Variants in MATR3 observed in about 807,000 individuals in gnomAD.
The protein encoded by MATR3 is matrin 3, also known as matrin-3.
In MATR3, 4 loss-of-function variants were observed where a neutral mutation model predicts 85.5. The ratio of observed to expected loss-of-function variants is 0.05; its 90% confidence interval spans 0.02 to 0.11. MATR3 has a LOEUF of 0.11. Among genes scored for constraint, MATR3 ranks in the 10% least tolerant of loss-of-function variants. The pLI is 1.00. For missense variants in MATR3, 685 were observed against 1,016.1 expected (o/e 0.67, Z 4.43); for synonymous variants, 336 against 343.1 (o/e 0.98, Z 0.23).
chr5:139,325,567 G>C lies in MATR3; in HGVS notation c.2276G>C (p.Ser759Thr), dbSNP rs1755813433. Residue 759 changes from serine to threonine, a missense_variant, in exon 13 of 15, where the codon AGT becomes ACT. Physicochemically the swap from Ser to Thr is moderately conservative, Grantham distance 58 (BLOSUM62 1). Transcript: ENST00000394805. ...GCTGATGATCCCAACAAAGATACAA[G>C]TGAAAACGCAGATGGTCAAAGTGAT... The part of the protein sequence containing the change: ...ENADDPNKDT[S>T]ENADGQSDEN... 2 of 1,614,072 alleles carry C rather than the reference G, an allele frequency of 1.2e-6. No individual in the cohort carries two copies. Among genetic ancestry groups the C allele is most frequent in the Non-Finnish European group, 1.7e-6 (2 of 1,180,040 alleles).
chr5:139,298,146 C>G (rs1163327586), intron 1 of MATR3, among the ~76,000 whole-genome samples: 1 of 152,102 alleles, frequency 6.6e-6, no homozygotes, highest in African/African-American at 2.4e-5. Flanking sequence ...TTTTTTCCTC[C>G]TTTGTGAGGA....
At chr5:139,294,083 G>A (rs985123650) in intron 1 of MATR3, 1 of 1,259,326 alleles carries the variant, frequency 7.9e-7, no homozygotes, top group Non-Finnish European at 1.0e-6. Flanking sequence ...GGTGCGGCGG[G>A]AGATTTTGGG....
chr5:139,294,090 TG>T (rs1386046878), intron 1 of MATR3: 1 of 1,259,350 alleles, frequency 7.9e-7, no homozygotes, highest in Non-Finnish European at 1.0e-6. Flanking sequence ...CGGGAGATTT[TG>T]GGTGAAGAGG....
In MATR3 at chr5:139,326,348, A is replaced by G. The variant is rs894208374; in HGVS notation, c.2493+64A>G. 6.6e-6 allele frequency: 10 copies of G among 1,526,042 alleles called. 1 individual carries two copies. In the Admixed American group the frequency reaches 1.5e-4, roughly 23 times the overall value. 94.5% of individuals were successfully genotyped at this position (1,526,042 alleles called of 1,614,324 possible). A position where few individuals can be genotyped will look rare whatever the true frequency, so the allele number is the denominator to read the frequency against. ...AACAAGTTATGGAAATAAGTGGGGT[A>G]TATAAGTAAAATGTGTATAGTGTTC... On this transcript the variant is annotated intron_variant, in intron 14 of 14. Coordinates refer to ENST00000394805, the MANE Select transcript of MATR3 (RefSeq NM_018834.6).
chr5:139,283,139 A>C (rs1326694595), intron 3 of MATR3: 1 of 152,332 alleles, frequency 6.6e-6, no homozygotes, highest in Non-Finnish European at 1.5e-5. Flanking sequence ...GTAAGCTTAT[A>C]GTAGAGGATG....
intron 2 of MATR3, 137 bp downstream of exon 2, chr5:139,308,464 T>G (rs1192029530): frequency 9.7e-7 from 1 of 1,029,588 alleles, no homozygotes; most frequent in Non-Finnish European, 1.5e-6. Flanking sequence ...ACTTACTTTA[T>G]TTGGAAGGTA....
chr5:139,286,647 C>T (rs1448639477), intron 3 of MATR3, among the ~76,000 whole-genome samples: 1 of 151,460 alleles, frequency 6.6e-6, no homozygotes, highest in Non-Finnish European at 1.5e-5. Flanking sequence ...GAGTACAAGA[C>T]CAGCCTAGCC....
In MATR3 at chr5:139,300,194, C is replaced by T. The variant is rs187016567; in HGVS notation, c.-178+6389C>T. Among the ~76,000 whole-genome samples the T allele has an allele frequency of 1.6e-3, 241 of 152,230 alleles. 8 individuals carry two copies. Among genetic ancestry groups the T allele is most frequent in the African/African-American group, 5.6e-3 (232 of 41,548 alleles). On this transcript the variant is annotated intron_variant, in intron 1 of 14. Coordinates refer to ENST00000394805, the MANE Select transcript of MATR3 (RefSeq NM_018834.6). ...TCTGGCCAACATGGTGAAACCTTGT[C>T]TCTACTAAAAAATACAGAAAATTTG... is the stretch of plus-strand genomic sequence containing the variant.
chr5:139,298,037 T>C (rs759330663), intron 1 of MATR3, among the ~76,000 whole-genome samples: 20 of 152,170 alleles, frequency 1.3e-4, no homozygotes, highest in Non-Finnish European at 2.9e-4. Context: ...GCAGCAAGTA[T>C]GGAAAGTAGT....
At position 139,330,337 on chromosome 5, in the gene MATR3, T is replaced by A. The variant is rs1756077648; in HGVS notation, c.*942T>A. 1 of 454,320 alleles carries A rather than the reference T, an allele frequency of 2.2e-6. No individual in the cohort carries two copies. Among genetic ancestry groups the A allele is most frequent in the Non-Finnish European group, 4.4e-6 (1 of 226,768 alleles). 28.1% of individuals were successfully genotyped at this position (454,320 alleles called of 1,614,324 possible). Reference sequence around the variant, plus strand: ...TTGTGTTTACTTGTAACTTTCTGGTTATATACTGCTTATATCTGTGGATTC... The same window carrying A: ...TTGTGTTTACTTGTAACTTTCTGGTAATATACTGCTTATATCTGTGGATTC... On this transcript the variant is annotated 3_prime_UTR_variant, in exon 15 of 15. Transcript: ENST00000394805.
At chr5:139,286,959 T>C (rs1210328941) in intron 3 of MATR3, among the ~76,000 whole-genome samples, 1 of 152,234 alleles carries the variant, frequency 6.6e-6, no homozygotes, top group East Asian at 1.9e-4. Context: ...AGAGACCTTT[T>C]ATTTTGTTTT....
intron 12 of MATR3, 154 bp from the exon 13 acceptor site, chr5:139,325,286 T>G (rs991755016): frequency 9.7e-6 from 15 of 1,552,362 alleles, no homozygotes; most frequent in Admixed American, 2.0e-5. Flanking sequence ...AAATTTGTCT[T>G]TCTTAACAGC....
At chr5:139,278,372 A>G (rs1581196196) in intron 2 of MATR3, 1 of 453,952 alleles carries the variant, frequency 2.2e-6, no homozygotes, top group East Asian at 6.9e-5. Context: ...AAGGGAGGAA[A>G]TAGTGGCAGG....
rs1196218044 is a variant in MATR3, at chr5:139,330,264, A to G, written c.*869A>G. ...AATCCTAGATGCACGCTTCTAATTC[A>G]TGTACCTGCACATGTGACCTTTGTG... is the stretch of plus-strand genomic sequence containing the variant. On this transcript the variant is annotated 3_prime_UTR_variant, in exon 15 of 15. Transcript: ENST00000394805. The G allele has an allele frequency of 2.2e-6, 1 of 453,672 alleles. No homozygotes were observed. Among genetic ancestry groups the G allele is most frequent in the African/African-American group, 2.0e-5 (1 of 49,976 alleles). 28.1% of individuals were successfully genotyped at this position (453,672 alleles called of 1,614,324 possible).
chr5:139,319,674 C>T (rs1181801814), intron 9 of MATR3, among the ~76,000 whole-genome samples, 173 bp downstream of exon 9: 6 of 151,632 alleles, frequency 4.0e-5, no homozygotes, highest in Non-Finnish European at 8.8e-5. Context: ...ATGGTGAAAT[C>T]GTATCTCTAT....
chr5:139,279,270 C>T, intron 3 of MATR3: 1 of 424,412 alleles, frequency 2.4e-6, no homozygotes, highest in Admixed American at 2.5e-5. Flanking sequence ...GCTCAGTTGC[C>T]CAGGCTAGAG....
chr5:139,294,275 C>T (rs1441173866), intron 1 of MATR3, among the ~76,000 whole-genome samples: 2 of 152,202 alleles, frequency 1.3e-5, no homozygotes, highest in African/African-American at 4.8e-5. Context: ...GTTAAGATAT[C>T]TAAGTCCTTG....
intron 3 of MATR3, among the ~76,000 whole-genome samples, chr5:139,281,361 T>G (rs1057506774): frequency 3.4e-5 from 5 of 146,996 alleles, no homozygotes; most frequent in East Asian, 4.0e-4. Flanking sequence ...TTTTTGTTTT[T>G]TTTTTTTTTT....
intron 12 of MATR3, among the ~76,000 whole-genome samples, chr5:139,324,622 G>A (rs1024447029): frequency 1.5e-4 from 23 of 152,030 alleles, no homozygotes; most frequent in African/African-American, 5.6e-4. Flanking sequence ...CCATTACACT[G>A]TTTGAGTATT....
Sources: gnomAD v4.1 joint callset for allele counts (sites outside exome capture counted in the v4.1 genomes callset) on GRCh38, gnomAD v4.1.1 for gene constraint, MANE v1.5 for transcripts, NCBI Gene and HGNC (gene_info 2026-07-23, HGNC 2026-07-21) for gene names.